NPHS2: variants seen among roughly 807,000 people sequenced by gnomAD.
NPHS2 encodes NPHS2 stomatin family member, podocin, also known as podocin.
NPHS2 carries 36 observed loss-of-function variants against 37.1 expected under a neutral mutation model. That is an observed-to-expected ratio of 0.97 (90% CI 0.74 to 1.28). The LOEUF (loss-of-function observed/expected upper bound fraction) is 1.28. Ranked by LOEUF, NPHS2 falls within the 50% of genes most tolerant of loss-of-function variation. The pLI, the probability that NPHS2 is intolerant of heterozygous loss-of-function variation, is 0.00. For missense variants in NPHS2, 447 were observed against 488.1 expected (o/e 0.92, Z 0.79); for synonymous variants, 196 against 189.3 (o/e 1.04, Z -0.29).
At chr1:179,555,510 T>G (rs1426486654) in intron 5 of NPHS2, among the ~76,000 whole-genome samples, 1 of 152,212 alleles carries the variant, frequency 6.6e-6, no homozygotes, top group Non-Finnish European at 1.5e-5. Flanking sequence ...TCTTTTCTCA[T>G]TATTTTTTAG....
intron 2 of NPHS2, among the ~76,000 whole-genome samples, 157 bp downstream of exon 2, chr1:179,564,533 G>C (rs1228196515): frequency 6.6e-6 from 1 of 152,192 alleles, no homozygotes; most frequent in African/African-American, 2.4e-5. Flanking sequence ...ATTTGAGCAA[G>C]GTCTTGGAGG....
intron 1 of NPHS2, among the ~76,000 whole-genome samples, chr1:179,570,915 G>A (rs1290643488): frequency 6.6e-6 from 1 of 152,124 alleles, no homozygotes; most frequent in African/African-American, 2.4e-5. Context: ...AGCTCCATCA[G>A]GTCATTTAAG....
chr1:179,567,664 C>T (rs1674387133), intron 1 of NPHS2, among the ~76,000 whole-genome samples: 1 of 152,150 alleles, frequency 6.6e-6, no homozygotes, highest in Non-Finnish European at 1.5e-5. Context: ...GGGAATGCTT[C>T]CAGTTTTTGC....
At chr1:179,573,456 A>G (rs1292910050) in intron 1 of NPHS2, among the ~76,000 whole-genome samples, 1 of 152,216 alleles carries the variant, frequency 6.6e-6, no homozygotes, top group African/African-American at 2.4e-5. Context: ...CATTGAAGCT[A>G]TGAGAATCTC....
At chr1:179,553,905 C>G (rs1204578107) in intron 6 of NPHS2, among the ~76,000 whole-genome samples, 1 of 143,828 alleles carries the variant, frequency 7.0e-6, no homozygotes, top group Admixed American at 7.2e-5. Flanking sequence ...GCCAACACCC[C>G]TGGCTAATTT....
In NPHS2 at chr1:179,551,087, G is replaced by T; in HGVS notation, c.*86C>A. 1 of 1,550,108 alleles carries T rather than the reference G, an allele frequency of 6.5e-7. No homozygotes were observed. Among genetic ancestry groups the T allele is most frequent in the Non-Finnish European group, 8.9e-7 (1 of 1,126,118 alleles). On this transcript the variant is annotated 3_prime_UTR_variant, in exon 8 of 8. Transcript: ENST00000367615. Reference sequence around the variant, plus strand: ...ATTCCATATGGCAACCAAAGGAAGGGCAGGGAATGAGGACAGAGTGTCTCC... The same window carrying T: ...ATTCCATATGGCAACCAAAGGAAGGTCAGGGAATGAGGACAGAGTGTCTCC...
intron 5 of NPHS2, among the ~76,000 whole-genome samples, chr1:179,555,586 G>T (rs577621323): frequency 5.0e-4 from 76 of 152,324 alleles, no homozygotes; most frequent in African/African-American, 1.8e-3. Context: ...GGGTGTGGGT[G>T]AGAGTAAGGA....
intron 2 of NPHS2, among the ~76,000 whole-genome samples, chr1:179,562,382 G>T (rs1674175583): frequency 6.6e-6 from 1 of 152,148 alleles, no homozygotes; most frequent in South Asian, 2.1e-4. Flanking sequence ...GGCACTCCTT[G>T]ATGATACGGA....
At chr1:179,558,523 G>A (rs1292389853) in intron 4 of NPHS2, among the ~76,000 whole-genome samples, 2 of 152,118 alleles carry the variant, frequency 1.3e-5, no homozygotes, top group African/African-American at 2.4e-5. Context: ...TGGTTATTGT[G>A]AATAATGCTG....
At chr1:179,572,116 G>T (rs1279072173) in intron 1 of NPHS2, among the ~76,000 whole-genome samples, 1 of 152,218 alleles carries the variant, frequency 6.6e-6, no homozygotes, top group Non-Finnish European at 1.5e-5. Flanking sequence ...AGTTACCTCA[G>T]TTGGAAATGC....
chr1:179,558,595 T>A (rs1417801308), intron 4 of NPHS2, among the ~76,000 whole-genome samples: 1 of 152,158 alleles, frequency 6.6e-6, no homozygotes, highest in African/African-American at 2.4e-5. Context: ...TAGGTATATA[T>A]GCAGAAGTGG....
intron 1 of NPHS2, among the ~76,000 whole-genome samples, chr1:179,571,486 CT>C: frequency 6.6e-6 from 1 of 152,330 alleles, no homozygotes; most frequent in East Asian, 1.9e-4. Flanking sequence ...CTGTTGGCCC[CT>C]ACTGGGAGGT....
rs1417611122 is a variant in NPHS2 at position 179,559,676 on chromosome 1, T to C, written c.534+3A>G. On this transcript the variant is annotated splice_donor_region_variant and intron_variant, in intron 4 of 7. Coordinates refer to ENST00000367615, the MANE Select transcript of NPHS2 (RefSeq NM_014625.4). The stretch of plus-strand genomic sequence containing the variant: ...AGAAAGCAAAAGCCATCATTTGGCT[T>C]ACCTCATGAAAAGGTATCTCCAGAG... 6.4e-7 allele frequency: 1 copy of C among 1,573,296 alleles called. No homozygotes were observed. Among genetic ancestry groups the C allele is most frequent in the Non-Finnish European group, 8.7e-7 (1 of 1,153,202 alleles).
chr1:179,560,547 A>G (rs928451601), intron 3 of NPHS2, among the ~76,000 whole-genome samples: 4 of 152,056 alleles, frequency 2.6e-5, no homozygotes, highest in South Asian at 2.1e-4. Context: ...GTGTGGACTC[A>G]TATATTCATT....
chr1:179,554,811 C>T, intron 5 of NPHS2: 1 of 505,130 alleles, frequency 2.0e-6, no homozygotes, highest in Non-Finnish European at 3.6e-6. Flanking sequence ...AATGTTACCC[C>T]AAGAGGGATT....
chr1:179,552,603 C>T lies in NPHS2; in HGVS notation c.873G>A (p.Arg291=). The T allele has an allele frequency of 6.2e-7, 1 of 1,612,684 alleles. No individual in the cohort carries two copies. The highest frequency in any genetic ancestry group is 8.5e-7 in the Non-Finnish European group (1 of 1,179,010). ...EAEAQRQAKV[R]MIAAEAEKAA... ...CTGGGTGGGAGGATGGAGTGCTCAC[C>T]CGCACTTTGGCTTGTCTTTGCGCTT... The change falls in exon 7 of 8, where the codon CGG becomes CGA. Residue 291 remains arginine (R), a splice_region_variant and synonymous_variant. Transcript: ENST00000367615.
At chr1:179,569,868 G>A (rs1039557197) in intron 1 of NPHS2, among the ~76,000 whole-genome samples, 5 of 152,096 alleles carry the variant, frequency 3.3e-5, no homozygotes, top group Non-Finnish European at 7.4e-5. Flanking sequence ...TTGAATGTAG[G>A]CCCCCACTCT....
chr1:179,562,094 A>G (rs1436941060), intron 2 of NPHS2, among the ~76,000 whole-genome samples: 1 of 152,210 alleles, frequency 6.6e-6, no homozygotes, highest in African/African-American at 2.4e-5. Context: ...GGCGTGAGCC[A>G]CCGTGGCCAG....
chr1:179,566,711 G>A (rs1436942692), intron 1 of NPHS2, among the ~76,000 whole-genome samples: 3 of 152,176 alleles, frequency 2.0e-5, no homozygotes, highest in African/African-American at 2.4e-5. Context: ...TAACATTTAT[G>A]TCTTTAAACC....
Sources: gnomAD v4.1 joint callset for allele counts (sites outside exome capture counted in the v4.1 genomes callset) on GRCh38, gnomAD v4.1.1 for gene constraint, MANE v1.5 for transcripts, NCBI Gene and HGNC (gene_info 2026-07-23, HGNC 2026-07-21) for gene names.